PDZD2: variants seen among roughly 807,000 people sequenced by gnomAD.
PDZD2 encodes PDZ domain containing 2.
Under a neutral mutation model 220.7 loss-of-function variants are expected in PDZD2, and 90 were observed. That is an observed-to-expected ratio of 0.41 (90% confidence interval 0.34 to 0.49). PDZD2 has a LOEUF of 0.49. Among genes scored for constraint, PDZD2 ranks in the 20% least tolerant of loss-of-function variants. The pLI, the probability that PDZD2 is intolerant of heterozygous loss-of-function variation, is 0.28. For missense variants in PDZD2, 3,174 were observed against 3,608.5 expected, an observed-to-expected ratio of 0.88 and a Z score of 3.08; for synonymous variants, 1,375 against 1,450.5, an observed-to-expected ratio of 0.95 and a Z score of 1.18.
At position 31,749,973 on chromosome 5, in the gene PDZD2, T is replaced by A. The variant is rs566502953; in HGVS notation, c.-360-48916T>A. Among the ~76,000 whole-genome samples the A allele has an allele frequency of 7.9e-5, 12 of 152,354 alleles. No individual in the cohort carries two copies. The East Asian group carries it at 2.3e-3, about 29-fold the overall frequency. On this transcript the variant is annotated intron_variant, in intron 1 of 24. Coordinates refer to ENST00000438447, the MANE Select transcript of PDZD2 (RefSeq NM_178140.4). ...ATCTTTGGGCTTGCAGGGTCCTCTG[T>A]ACAGTGGCTCCGAAACCTGGGGCCA...
At chr5:32,094,127 G>C (rs1743429602) in intron 21 of PDZD2, among the ~76,000 whole-genome samples, 1 of 152,200 alleles carries the variant, frequency 6.6e-6, no homozygotes, top group Admixed American at 6.5e-5. Flanking sequence ...GGATAAAGAG[G>C]CTGAAGAAAC....
intron 2 of PDZD2, among the ~76,000 whole-genome samples, chr5:31,859,615 C>T (rs1477172060): frequency 6.6e-6 from 1 of 152,190 alleles, no homozygotes; most frequent in African/African-American, 2.4e-5. Context: ...TCCCTGCACT[C>T]TTTGTTTCCT....
At chr5:31,729,626 T>G (rs953402035) in intron 1 of PDZD2, among the ~76,000 whole-genome samples, 11 of 152,330 alleles carry the variant, frequency 7.2e-5, no homozygotes, top group Admixed American at 2.6e-4. Context: ...AGGACTGTCC[T>G]TAGCTTTTTT....
At chr5:31,825,180 C>T (rs946763036) in intron 2 of PDZD2, among the ~76,000 whole-genome samples, 1 of 152,158 alleles carries the variant, frequency 6.6e-6, no homozygotes, top group African/African-American at 2.4e-5. Flanking sequence ...AGTGAGAGAC[C>T]ACGCTGCTTT....
At chr5:31,990,567 CAG>C (rs1474867298) in intron 3 of PDZD2, among the ~76,000 whole-genome samples, 1 of 152,212 alleles carries the variant, frequency 6.6e-6, no homozygotes, top group Non-Finnish European at 1.5e-5. Flanking sequence ...GGCAAACAGA[CAG>C]ATCTCCCATC....
intron 2 of PDZD2, among the ~76,000 whole-genome samples, chr5:31,816,443 A>T (rs1171718596): frequency 2.0e-5 from 3 of 152,154 alleles, no homozygotes; most frequent in African/African-American, 7.2e-5. Flanking sequence ...CAAGGTAAAG[A>T]TGGTGTTGTA....
Position 32,028,689 on chromosome 5 carries a change from T to G in PDZD2, c.1408-8542T>G, listed in dbSNP as rs892861905. Among the ~76,000 whole-genome samples the G allele has an allele frequency of 3.3e-5, 5 of 149,770 alleles. 1 individual carries two copies. The South Asian group carries it at 6.4e-4, about 19-fold the overall frequency. On this transcript the variant is annotated intron_variant, in intron 6 of 24. Coordinates refer to ENST00000438447, the MANE Select transcript of PDZD2 (RefSeq NM_178140.4). The stretch of plus-strand genomic sequence containing the variant: ...TTTTTTTTTTTGTTTTTTTTGTTTT[T>G]TTTTTTTTTTGAGACAGAGTCTCGC...
chr5:31,718,109 C>T (rs189007203), intron 1 of PDZD2, among the ~76,000 whole-genome samples: 1 of 152,080 alleles, frequency 6.6e-6, no homozygotes, highest in African/African-American at 2.4e-5. Flanking sequence ...GGTTTTGGTG[C>T]TGTAAAAGAG....
intron 1 of PDZD2, among the ~76,000 whole-genome samples, chr5:31,776,481 TA>T (rs1752657948): frequency 6.7e-6 from 1 of 150,302 alleles, no homozygotes; most frequent in Non-Finnish European, 1.5e-5. Context: ...TTTATTTATT[TA>T]TTTATTTATT....
chr5:31,884,851 C>T (rs923342294), intron 2 of PDZD2, among the ~76,000 whole-genome samples: 4 of 151,980 alleles, frequency 2.6e-5, no homozygotes, highest in African/African-American at 9.7e-5. Flanking sequence ...CCATGTTGGC[C>T]AGGCTGGTTT....
intron 6 of PDZD2, among the ~76,000 whole-genome samples, chr5:32,032,778 A>G (rs763524327): frequency 1.3e-4 from 20 of 152,204 alleles, no homozygotes; most frequent in Non-Finnish European, 2.8e-4. Context: ...TCAGATGAGG[A>G]CACTGACGTT....
chr5:31,957,171 G>A (rs1457114672), intron 2 of PDZD2, among the ~76,000 whole-genome samples: 1 of 152,168 alleles, frequency 6.6e-6, no homozygotes, highest in African/African-American at 2.4e-5. Flanking sequence ...TGAGTAGTTG[G>A]AACTACGGGC....
rs200399727 is a variant in PDZD2 at position 31,685,288 on chromosome 5, T to TA, written c.-361+45861dup. On this transcript the variant is annotated intron_variant, in intron 1 of 24. Transcript: ENST00000438447. ...ATTGAGTTTATAGATTAATTTGAAG[T>TA]AAAAAAAAAATCATTGAACCTTTTT... Among the ~76,000 whole-genome samples the TA allele has an allele frequency of 1.0e-3, 153 of 150,150 alleles. 1 individual carries two copies. The highest frequency in any genetic ancestry group is 3.7e-3 in the East Asian group (19 of 5,142).
chr5:31,645,850 A>G (rs1022312571), intron 1 of PDZD2, among the ~76,000 whole-genome samples: 8 of 152,044 alleles, frequency 5.3e-5, no homozygotes, highest in Non-Finnish European at 8.8e-5. Context: ...CCCAAAGTCA[A>G]TTCCCTGGCT....
At chr5:31,719,500 A>G (rs2150146029) in intron 1 of PDZD2, among the ~76,000 whole-genome samples, 1 of 152,340 alleles carries the variant, frequency 6.6e-6, no homozygotes, top group Admixed American at 6.5e-5. Flanking sequence ...CTTGAAACTG[A>G]CAAAACTCCT....
intron 1 of PDZD2, among the ~76,000 whole-genome samples, chr5:31,711,543 T>C (rs1222106377): frequency 1.3e-5 from 2 of 152,184 alleles, no homozygotes; most frequent in African/African-American, 4.8e-5. Context: ...CCTGGAGCTG[T>C]CAGTGCAGAG....
In PDZD2 at chr5:32,072,325, G is replaced by C. The variant is rs1307675188; in HGVS notation, c.2725+8G>C. The C allele has an allele frequency of 1.2e-6, 2 of 1,607,562 alleles. No homozygotes were observed. Among genetic ancestry groups the C allele is most frequent in the Admixed American group, 3.4e-5 (2 of 59,578 alleles). ...TGCCTCCCAGCACCTCCAGTAAGCA[G>C]GGGTGCCCCAGAGGGCCTGGGCTCT... On this transcript the variant is annotated splice_region_variant and intron_variant, in intron 17 of 24. Transcript: ENST00000438447.
Position 32,100,759 on chromosome 5 carries a change from G to T in PDZD2, c.8219-346G>T, listed in dbSNP as rs1487594640. The T allele has an allele frequency of 8.7e-6, 5 of 573,756 alleles. No individual in the cohort carries two copies. In the Admixed American group the frequency reaches 9.5e-5, roughly 11 times the overall value. The allele number at this position is 573,756 out of a possible 1,614,324, so 35.5% of individuals were successfully genotyped here. ...TTTGGAGTCCCCAAGTGTGACTTCA[G>T]TCCTCACTGAGAAGTGCACAGCCGG... On this transcript the variant is annotated intron_variant, in intron 23 of 24. Coordinates refer to ENST00000438447, the MANE Select transcript of PDZD2 (RefSeq NM_178140.4).
intron 1 of PDZD2, among the ~76,000 whole-genome samples, chr5:31,769,558 A>G (rs770907358): frequency 3.3e-5 from 5 of 152,258 alleles, no homozygotes; most frequent in Non-Finnish European, 7.3e-5. Flanking sequence ...TGCCTAAAAG[A>G]GCCCGGTTTC....
Sources: gnomAD v4.1 joint callset for allele counts (sites outside exome capture counted in the v4.1 genomes callset) on GRCh38, gnomAD v4.1.1 for gene constraint, MANE v1.5 for transcripts, NCBI Gene and HGNC (gene_info 2026-07-23, HGNC 2026-07-21) for gene names.